The following UVRAG variants were observed in gnomAD, a reference collection of about 807,000 sequenced individuals.
UVRAG encodes UV radiation resistance associated.
A neutral mutation model predicts 78.0 loss-of-function variants in UVRAG; 19 were observed. That is an observed-to-expected ratio of 0.24 (90% CI 0.17 to 0.36). The LOEUF is 0.36. Among genes scored for constraint, UVRAG ranks in the 10% least tolerant of loss-of-function variants. The pLI, the probability that UVRAG is intolerant of heterozygous loss-of-function variation, is 1.00. For synonymous variants in UVRAG, 323 were observed against 324.6 expected (o/e 1.00, Z 0.05); for missense variants, 740 against 853.8 (o/e 0.87, Z 1.66).
At chr11:75,821,602 G>A (rs1030638549) in intron 1 of UVRAG, among the ~76,000 whole-genome samples, 1 of 152,178 alleles carries the variant, frequency 6.6e-6, no homozygotes, top group African/African-American at 2.4e-5. Context: ...CCAAAGCAGT[G>A]TTGAGATTAC....
chr11:75,828,703 AT>A, intron 1 of UVRAG, among the ~76,000 whole-genome samples: 3 of 143,368 alleles, frequency 2.1e-5, no homozygotes, highest in African/African-American at 7.9e-5. Flanking sequence ...GTGTGTATAT[AT>A]ATATATGTGT....
intron 6 of UVRAG, among the ~76,000 whole-genome samples, chr11:75,936,307 AT>A (rs924010157): frequency 6.6e-6 from 1 of 152,208 alleles, no homozygotes; most frequent in Non-Finnish European, 1.5e-5. Flanking sequence ...TAAATGTCTC[AT>A]TTTTTAATCA....
At chr11:75,838,420 C>T (rs905194923) in intron 1 of UVRAG, among the ~76,000 whole-genome samples, 1 of 152,114 alleles carries the variant, frequency 6.6e-6, no homozygotes, top group Non-Finnish European at 1.5e-5. Flanking sequence ...TCACTGAAGC[C>T]TCAACCTCCT....
chr11:76,127,114 C>G (rs1952414367), intron 14 of UVRAG, among the ~76,000 whole-genome samples: 1 of 152,210 alleles, frequency 6.6e-6, no homozygotes, highest in African/African-American at 2.4e-5. Flanking sequence ...GTCTTCTCTA[C>G]TAGAGTGGGA....
chr11:76,101,381 A>G (rs1013211348), intron 13 of UVRAG, among the ~76,000 whole-genome samples: 2 of 151,958 alleles, frequency 1.3e-5, no homozygotes, highest in Non-Finnish European at 2.9e-5. Context: ...TGTTGGTTGC[A>G]TGTATACTTT....
At position 76,143,079 on chromosome 11, in the gene UVRAG, T is replaced by C. The variant is rs948258949; in HGVS notation, c.*1666T>C. ...CTCCTTCACCTAGAGCAGGAGCTTC[T>C]CTGCAGTGTACTGTCTGTCGCTCAT... On this transcript the variant is annotated 3_prime_UTR_variant, in exon 15 of 15. Coordinates refer to ENST00000356136, the MANE Select transcript of UVRAG (RefSeq NM_003369.4). 5 of 152,396 alleles carry C rather than the reference T, an allele frequency of 3.3e-5. No individual in the cohort carries two copies. The East Asian group carries it at 9.7e-4, about 29-fold the overall frequency. The allele number at this position is 152,396 out of a possible 1,614,324, so 9.4% of individuals were successfully genotyped here.
intron 12 of UVRAG, among the ~76,000 whole-genome samples, chr11:76,050,962 C>T (rs1403312814): frequency 6.6e-6 from 1 of 152,128 alleles, no homozygotes; most frequent in Non-Finnish European, 1.5e-5. Flanking sequence ...TGCCTTTCTC[C>T]TCTTCTCATC....
At chr11:76,133,223 T>TA (rs970756260) in intron 14 of UVRAG, among the ~76,000 whole-genome samples, 5 of 152,208 alleles carry the variant, frequency 3.3e-5, no homozygotes, top group African/African-American at 1.2e-4. Flanking sequence ...ATTTAATCCT[T>TA]ACTGCAGTAA....
At chr11:76,080,698 G>T (rs1951478704) in intron 13 of UVRAG, among the ~76,000 whole-genome samples, 1 of 152,114 alleles carries the variant, frequency 6.6e-6, no homozygotes, top group South Asian at 2.1e-4. Flanking sequence ...AAAGAGGCTG[G>T]TCAAGCTATG....
chr11:75,927,101 G>A (rs976559413), intron 6 of UVRAG, among the ~76,000 whole-genome samples: 6 of 146,008 alleles, frequency 4.1e-5, no homozygotes, highest in East Asian at 2.0e-4. Flanking sequence ...ATGAAGTCTC[G>A]CTCTGTTGCC....
intron 8 of UVRAG, among the ~76,000 whole-genome samples, chr11:75,995,725 CCTTTT>C (rs1166642219): frequency 2.0e-5 from 3 of 151,756 alleles, no homozygotes; most frequent in African/African-American, 7.3e-5. Flanking sequence ...ACAATTTTTT[CCTTTT>C]CTTAGGTCAT....
chr11:76,047,529 CT>C (rs1259149465), intron 12 of UVRAG, among the ~76,000 whole-genome samples: 3 of 152,090 alleles, frequency 2.0e-5, no homozygotes, highest in African/African-American at 7.2e-5. Flanking sequence ...GCCTCTTAAA[CT>C]TTTGGTCTAA....
intron 6 of UVRAG, among the ~76,000 whole-genome samples, chr11:75,934,266 C>G (rs1296495830): frequency 1.3e-5 from 2 of 152,118 alleles, no homozygotes; most frequent in South Asian, 2.1e-4. Flanking sequence ...CATGTTCTCA[C>G]TTATTTGTGG....
At chr11:76,096,140 C>T in intron 13 of UVRAG, among the ~76,000 whole-genome samples, 1 of 152,160 alleles carries the variant, frequency 6.6e-6, no homozygotes. Flanking sequence ...TGTAGACACT[C>T]ATAGTCTCTC....
chr11:75,839,864 G>T (rs72997672), intron 1 of UVRAG, among the ~76,000 whole-genome samples: 4,323 of 126,308 alleles, frequency 0.034, 122 homozygotes, highest in African/African-American at 0.089. Context: ...TATATATATA[G>T]AGAGAGAGAG....
intron 13 of UVRAG, among the ~76,000 whole-genome samples, chr11:76,108,236 C>T (rs763334885): frequency 1.3e-5 from 2 of 152,044 alleles, no homozygotes; most frequent in Non-Finnish European, 2.9e-5. Flanking sequence ...GTGCCAAAAC[C>T]GAAATGACAC....
intron 12 of UVRAG, among the ~76,000 whole-genome samples, chr11:76,054,690 C>G (rs1454766765): frequency 6.6e-6 from 1 of 152,340 alleles, no homozygotes; most frequent in Admixed American, 6.5e-5. Context: ...AAGACTTTCT[C>G]TCACTTCCTT....
At chr11:76,092,941 T>A (rs1365621320) in intron 13 of UVRAG, among the ~76,000 whole-genome samples, 1 of 152,184 alleles carries the variant, frequency 6.6e-6, no homozygotes, top group Non-Finnish European at 1.5e-5. Context: ...ATTGCCTAGG[T>A]TTTCTTCTAG....
intron 12 of UVRAG, among the ~76,000 whole-genome samples, chr11:76,033,889 T>C (rs1156246404): frequency 2.0e-5 from 3 of 152,154 alleles, no homozygotes; most frequent in Non-Finnish European, 4.4e-5. Context: ...ATCCTTTGCT[T>C]GTGAGAGTTT....
Sources: allele counts gnomAD v4.1 joint callset (sites outside exome capture counted in the v4.1 genomes callset), GRCh38; gene constraint gnomAD v4.1.1; transcripts MANE v1.5; gene names NCBI Gene and HGNC (gene_info 2026-07-23, HGNC 2026-07-21).